FARS2: variants seen among roughly 807,000 people sequenced by gnomAD.
FARS2 encodes phenylalanine--tRNA ligase, mitochondrial.
In FARS2, 40 loss-of-function variants were observed where a neutral mutation model predicts 46.4. The ratio of observed to expected loss-of-function variants is 0.86; its 90% confidence interval spans 0.67 to 1.12. The LOEUF is 1.12. FARS2 is among the 50% of genes most tolerant of loss of function. The pLI, the probability that FARS2 is intolerant of heterozygous loss-of-function variation, is 0.00. For missense variants in FARS2, 513 were observed against 567.9 expected, an observed-to-expected ratio of 0.90 and a Z score of 0.98; for synonymous variants, 234 against 214.9, an observed-to-expected ratio of 1.09 and a Z score of -0.78.
chr6:5,314,048 A>G (rs1769274263), intron 1 of FARS2, among the ~76,000 whole-genome samples: 1 of 152,172 alleles, frequency 6.6e-6, no homozygotes, highest in East Asian at 1.9e-4. Context: ...GAATTATACT[A>G]AAGCATTTGG....
intron 5 of FARS2, among the ~76,000 whole-genome samples, chr6:5,583,339 G>A (rs866610856): frequency 3.9e-5 from 6 of 152,206 alleles, no homozygotes; most frequent in Non-Finnish European, 8.8e-5. Context: ...CTGCAGCCAG[G>A]TGAGAGGCAT....
At chr6:5,762,051 T>C (rs982372495) in intron 6 of FARS2, among the ~76,000 whole-genome samples, 4 of 152,166 alleles carry the variant, frequency 2.6e-5, no homozygotes, top group African/African-American at 9.7e-5. Context: ...GTGTTCAGGG[T>C]TCATCTATGT....
At chr6:5,431,881 G>A (rs182031260) in intron 4 of FARS2, 2 of 253,580 alleles carry the variant, frequency 7.9e-6, no homozygotes, top group East Asian at 1.8e-4. Flanking sequence ...TATCTGAATT[G>A]AGTAATTTTT....
intron 5 of FARS2, among the ~76,000 whole-genome samples, chr6:5,560,336 T>C (rs1771918078): frequency 6.6e-6 from 1 of 152,216 alleles, no homozygotes; most frequent in Non-Finnish European, 1.5e-5. Context: ...TTATGATTTC[T>C]GGCTTTATTC....
At position 5,682,593 on chromosome 6, in the gene FARS2, G is replaced by A. The variant is rs1241433266; in HGVS notation, c.1217+69273G>A. ...AGTTGGTCTGTTCAGTCCTTAGTGA[G>A]CAGATGGGGCTTTTCCCCCTTGCCT... On this transcript the variant is annotated intron_variant, in intron 6 of 6. Coordinates refer to ENST00000274680, the MANE Select transcript of FARS2 (RefSeq NM_006567.5). Among the ~76,000 whole-genome samples the A allele has an allele frequency of 2.6e-5, 4 of 152,326 alleles. No homozygotes were observed. In the East Asian group the frequency reaches 7.7e-4, roughly 29 times the overall value.
At position 5,676,072 on chromosome 6, in the gene FARS2, T is replaced by TA. The variant is rs111392535; in HGVS notation, c.1217+62761dup. On this transcript the variant is annotated intron_variant, in intron 6 of 6. Coordinates refer to ENST00000274680, the MANE Select transcript of FARS2 (RefSeq NM_006567.5). ...ACTATTAAATTTGGTTAGGCTCATATAAAAAAAAATAGTAAAATGGCAGTC... is the reference window on the plus strand; with the variant it reads ...ACTATTAAATTTGGTTAGGCTCATATAAAAAAAAAATAGTAAAATGGCAGTC... 1.1e-3 allele frequency among the ~76,000 whole-genome samples: 161 copies of TA among 151,318 alleles called. 1 individual carries two copies. In the South Asian group the frequency reaches 0.018, roughly 17 times the overall value.
chr6:5,277,711 T>C (rs1354546790), intron 1 of FARS2, among the ~76,000 whole-genome samples: 1 of 152,242 alleles, frequency 6.6e-6, no homozygotes, highest in Admixed American at 6.5e-5. Flanking sequence ...ATTTGAAAGA[T>C]ATTTTGGGGA....
At chr6:5,691,449 G>A (rs1757709103) in intron 6 of FARS2, among the ~76,000 whole-genome samples, 1 of 152,208 alleles carries the variant, frequency 6.6e-6, no homozygotes, top group Admixed American at 6.5e-5. Context: ...TTTGCTGGAG[G>A]TCCACTCCAG....
At chr6:5,353,726 G>GTTTTTTTTTTTTTTTTT (rs55998904) in intron 1 of FARS2, among the ~76,000 whole-genome samples, 45 of 40,360 alleles carry the variant, frequency 1.1e-3, no homozygotes, top group Admixed American at 2.3e-3. Flanking sequence ...AATATTTGGT[G>GTTTTTTTTTTTTTTTTT]TTTTTTTTTT....
chr6:5,328,159 T>C (rs1770530980), intron 1 of FARS2, among the ~76,000 whole-genome samples: 1 of 152,196 alleles, frequency 6.6e-6, no homozygotes, highest in Non-Finnish European at 1.5e-5. Context: ...TTTTAAGTCA[T>C]TTATTCATTT....
intron 6 of FARS2, among the ~76,000 whole-genome samples, chr6:5,719,383 T>A (rs1170163279): frequency 4.5e-5 from 3 of 67,106 alleles, no homozygotes; most frequent in Admixed American, 2.0e-4. Context: ...CAAGACCCTG[T>A]CTCAAAAAAA....
chr6:5,566,010 C>G (rs910982530), intron 5 of FARS2, among the ~76,000 whole-genome samples: 1 of 152,154 alleles, frequency 6.6e-6, no homozygotes, highest in Non-Finnish European at 1.5e-5. Flanking sequence ...GAGGTGAAAT[C>G]TTTACAAACC....
At chr6:5,469,956 G>C (rs950601072) in intron 4 of FARS2, among the ~76,000 whole-genome samples, 2 of 152,130 alleles carry the variant, frequency 1.3e-5, no homozygotes, top group Non-Finnish European at 2.9e-5. Context: ...TCAAAAATAG[G>C]AATAATACTG....
At chr6:5,719,809 G>A (rs1332990919) in intron 6 of FARS2, among the ~76,000 whole-genome samples, 1 of 152,224 alleles carries the variant, frequency 6.6e-6, no homozygotes, top group African/African-American at 2.4e-5. Context: ...GCTTGTAGTT[G>A]ATTTTATGTA....
chr6:5,532,894 G>A (rs1251768585), intron 4 of FARS2, among the ~76,000 whole-genome samples: 1 of 152,038 alleles, frequency 6.6e-6, no homozygotes, highest in Non-Finnish European at 1.5e-5. Context: ...AGAATTCCTA[G>A]AAGTCAACCC....
At chr6:5,725,575 A>G (rs925010324) in intron 6 of FARS2, among the ~76,000 whole-genome samples, 9 of 152,214 alleles carry the variant, frequency 5.9e-5, no homozygotes, top group African/African-American at 2.2e-4. Flanking sequence ...ATGTACTTAA[A>G]AGAGCAAATG....
upstream of FARS2, chr6:5,260,596 G>T: frequency 8.3e-7 from 1 of 1,204,086 alleles, no homozygotes. Flanking sequence ...CCGCACCCCC[G>T]GTCCCCGGCC....
rs1393644699 is a variant in FARS2, at chr6:5,368,854, A to G, written c.284A>G (p.Glu95Gly). 7 of 1,613,994 alleles carry G rather than the reference A, an allele frequency of 4.3e-6. No individual in the cohort carries two copies. Among genetic ancestry groups the G allele is most frequent in the Non-Finnish European group, 4.2e-6 (5 of 1,180,016 alleles). ...TGGCTGATCAAGGAGAGGGTGAAGG[A>G]GCACTTCTACAAGCAGTATGTGGGC... ...PLWLIKERVK[E>G]HFYKQYVGRF... is the part of the protein sequence containing the mutation. Residue 95 changes from glutamate (E) to glycine (G), a missense_variant, in exon 2 of 7, where the codon GAG (glutamate) becomes GGG (glycine). Glu to Gly is a moderately conservative substitution (Grantham distance 98). Transcript: ENST00000274680.
At chr6:5,470,089 A>G (rs1294057373) in intron 4 of FARS2, among the ~76,000 whole-genome samples, 1 of 152,242 alleles carries the variant, frequency 6.6e-6, no homozygotes, top group Non-Finnish European at 1.5e-5. Flanking sequence ...TATTATTAAT[A>G]TTATTGTTCA....
Sources: gnomAD v4.1 joint callset for allele counts (sites outside exome capture counted in the v4.1 genomes callset) on GRCh38, gnomAD v4.1.1 for gene constraint, MANE v1.5 for transcripts, NCBI Gene and HGNC (gene_info 2026-07-23, HGNC 2026-07-21) for gene names.